AFF3: variants seen among roughly 807,000 people sequenced by gnomAD.
AFF3 encodes ALF transcription elongation factor 3.
A neutral mutation model predicts 129.7 loss-of-function variants in AFF3; 32 were observed. The ratio of observed to expected loss-of-function variants is 0.25; its 90% CI spans 0.19 to 0.33. The LOEUF is 0.33. Ranked by LOEUF, AFF3 falls within the 10% of genes least tolerant of loss-of-function variation. AFF3 has a pLI of 1.00. For synonymous variants in AFF3, 644 were observed against 635.4 expected (o/e 1.01, Z -0.20); for missense variants, 1,373 against 1,592.0 (o/e 0.86, Z 2.34).
At chr2:100,134,190 T>TA (rs1189995908) in intron 1 of AFF3, among the ~76,000 whole-genome samples, 3 of 152,208 alleles carry the variant, frequency 2.0e-5, no homozygotes, top group Admixed American at 6.5e-5. Context: ...TTTTGACAGC[T>TA]ACTACAGGGG....
At chr2:99,574,523 T>C (rs10209237) in intron 18 of AFF3, among the ~76,000 whole-genome samples, 3,534 of 152,112 alleles carry the variant, frequency 0.023, 134 homozygotes, top group African/African-American at 0.08. Context: ...TGCATGTAGA[T>C]TCCTTATAGT....
Position 99,773,508 on chromosome 2 carries a change from C to T in AFF3, c.922-21207G>A, listed in dbSNP as rs575672025. Among the ~76,000 whole-genome samples the T allele has an allele frequency of 1.1e-4, 16 of 144,014 alleles. No individual in the cohort carries two copies. The East Asian group carries it at 1.6e-3, about 15-fold the overall frequency. The allele number at this position is 144,014 out of a possible 152,430, so 94.5% of individuals were successfully genotyped here. ...GAATTCTTCTTTGGAAACTGTGCTACGTCAATTCCTGGGGTTGGGGTTGAG... is the reference window on the plus strand; with the variant it reads ...GAATTCTTCTTTGGAAACTGTGCTATGTCAATTCCTGGGGTTGGGGTTGAG... On this transcript the variant is annotated intron_variant, in intron 8 of 24. Coordinates refer to ENST00000672756, the MANE Select transcript of AFF3 (RefSeq NM_001386135.1).
At chr2:100,016,226 C>T (rs542700015) in intron 4 of AFF3, among the ~76,000 whole-genome samples, 15 of 109,578 alleles carry the variant, frequency 1.4e-4, no homozygotes, top group Admixed American at 6.4e-4. Context: ...ATGGTAGTGG[C>T]GGTGATGGTG....
chr2:99,745,638 C>T (rs548333791), intron 9 of AFF3, among the ~76,000 whole-genome samples: 2 of 152,258 alleles, frequency 1.3e-5, no homozygotes, highest in South Asian at 4.1e-4. Flanking sequence ...TGGCAATCAT[C>T]CCACCAGTAA....
chr2:99,809,826 C>G (rs1389943732), intron 8 of AFF3, among the ~76,000 whole-genome samples: 5 of 152,216 alleles, frequency 3.3e-5, no homozygotes, highest in Admixed American at 3.3e-4. Context: ...TCATTGTTCA[C>G]TAACTCCTTT....
At position 99,971,293 on chromosome 2, in the gene AFF3, C is replaced by A. The variant is rs555431063; in HGVS notation, c.873+35339G>T. Among the ~76,000 whole-genome samples, 4 of 152,302 alleles carry A rather than the reference C, an allele frequency of 2.6e-5. No individual in the cohort carries two copies. The East Asian group carries it at 7.7e-4, about 29-fold the overall frequency. ...CTGCCTGCAATAGTTGCCTAATTCA[C>A]ACATTTCCAATTTTCCCTCTTTGAT... On this transcript the variant is annotated intron_variant, in intron 7 of 24. Coordinates refer to ENST00000672756, the MANE Select transcript of AFF3 (RefSeq NM_001386135.1).
intron 8 of AFF3, among the ~76,000 whole-genome samples, chr2:99,823,093 A>G (rs1184456286): frequency 6.6e-6 from 1 of 152,132 alleles, no homozygotes; most frequent in Admixed American, 6.5e-5. Context: ...AAATGGCTCC[A>G]TATTGAAAGC....
At chr2:100,106,802 G>A in intron 2 of AFF3, 2 of 985,470 alleles carry the variant, frequency 2.0e-6, no homozygotes, top group Non-Finnish European at 2.4e-6. Flanking sequence ...GTCCCATGCT[G>A]GGCCTGGAGC....
At chr2:100,125,904 C>T (rs905529279) in intron 2 of AFF3, among the ~76,000 whole-genome samples, 6 of 152,172 alleles carry the variant, frequency 3.9e-5, no homozygotes, top group Non-Finnish European at 5.9e-5. Flanking sequence ...TGGTAGGCCA[C>T]ATTCAGGATG....
intron 7 of AFF3, among the ~76,000 whole-genome samples, chr2:99,976,263 T>C (rs1028533845): frequency 1.3e-5 from 2 of 152,196 alleles, no homozygotes; most frequent in Non-Finnish European, 2.9e-5. Context: ...AAAAGAAATA[T>C]TTCACTTTTT....
Position 99,593,662 on chromosome 2 carries a change from C to G in AFF3, c.1999G>C (p.Glu667Gln). 1.2e-6 allele frequency: 2 copies of G among 1,605,866 alleles called. No homozygotes were observed. Among genetic ancestry groups the G allele is most frequent in the Non-Finnish European group, 1.7e-6 (2 of 1,174,462 alleles). ...RIVPKSKEFI[E>Q]TESSSSSSSS... ...GAGGATGAAGATGACGACTCTGTCT[C>G]AATGAACTCCTTGGATTTGGGGACG... The change falls in exon 15 of 25, where the codon GAG becomes CAG. Residue 667 changes from glutamate (E) to glutamine (Q), a missense_variant. Glu to Gln is a conservative substitution (Grantham distance 29, BLOSUM62 2). Around this residue, in one of 9 missense-constraint regions of AFF3, gnomAD observed 466 missense variants for 505.0 expected, o/e 0.92. Coordinates refer to ENST00000672756, the MANE Select transcript of AFF3 (RefSeq NM_001386135.1).
At chr2:99,942,621 A>T (rs1005681784) in intron 7 of AFF3, among the ~76,000 whole-genome samples, 5 of 151,940 alleles carry the variant, frequency 3.3e-5, no homozygotes, top group Non-Finnish European at 5.9e-5. Flanking sequence ...AAGGAAGAGC[A>T]AGTAGAAAGG....
At chr2:99,892,655 C>T (rs1469066437) in intron 7 of AFF3, among the ~76,000 whole-genome samples, 3 of 152,142 alleles carry the variant, frequency 2.0e-5, no homozygotes, top group African/African-American at 7.2e-5. Flanking sequence ...TACTCGCATT[C>T]CCTCCCCAGC....
intron 22 of AFF3, among the ~76,000 whole-genome samples, chr2:99,555,623 A>G (rs1553593748): frequency 6.6e-6 from 1 of 152,178 alleles, no homozygotes; most frequent in Non-Finnish European, 1.5e-5. Flanking sequence ...TGAGAACCCA[A>G]TCATGCCTTC....
At chr2:99,603,592 C>T (rs903166625) in intron 13 of AFF3, among the ~76,000 whole-genome samples, 5 of 152,162 alleles carry the variant, frequency 3.3e-5, no homozygotes, top group Non-Finnish European at 5.9e-5. Context: ...ACGACAAAGA[C>T]GTCAAAAGCA....
rs138029905 is a variant in AFF3 at position 99,772,029 on chromosome 2, C to T, written c.922-19728G>A. 6.8e-3 allele frequency among the ~76,000 whole-genome samples: 1,030 copies of T among 152,308 alleles called. 10 individuals are homozygous for T. The highest frequency in any genetic ancestry group is 0.023 in the African/African-American group (936 of 41,552). On this transcript the variant is annotated intron_variant, in intron 8 of 24. Coordinates refer to ENST00000672756, the MANE Select transcript of AFF3 (RefSeq NM_001386135.1). Reference sequence around the variant, plus strand: ...CTTAAGTGTGAATGCAATCGACATGCGGTATTCCTGCCTTCTTGGTTCTCT... The same window carrying T: ...CTTAAGTGTGAATGCAATCGACATGTGGTATTCCTGCCTTCTTGGTTCTCT...
At chr2:99,759,100 T>C (rs1682370260) in intron 8 of AFF3, among the ~76,000 whole-genome samples, 1 of 152,262 alleles carries the variant, frequency 6.6e-6, no homozygotes, top group Admixed American at 6.5e-5. Flanking sequence ...ATTTGTGTCT[T>C]GAGGCTTTTG....
chr2:99,822,551 C>T (rs1041924282), intron 8 of AFF3, among the ~76,000 whole-genome samples: 3 of 152,146 alleles, frequency 2.0e-5, no homozygotes, highest in Non-Finnish European at 4.4e-5. Context: ...ATGAGCCTGT[C>T]ACCCCTGGAG....
At chr2:100,084,482 C>T (rs972761072) in intron 4 of AFF3, among the ~76,000 whole-genome samples, 3 of 152,206 alleles carry the variant, frequency 2.0e-5, no homozygotes, top group African/African-American at 4.8e-5. Context: ...CATTACAGTT[C>T]CTGCCTTCAA....
Sources: allele counts gnomAD v4.1 joint callset (sites outside exome capture counted in the v4.1 genomes callset), GRCh38; gene constraint gnomAD v4.1.1; regional missense constraint gnomAD v4.1.1; transcripts MANE v1.5; gene names NCBI Gene and HGNC (gene_info 2026-07-23, HGNC 2026-07-21).